Variants in NRXN1 observed in about 807,000 individuals in gnomAD.
The protein encoded by NRXN1 is neurexin-1.
NRXN1 carries 39 observed loss-of-function variants against 150.9 expected under a neutral mutation model. The observed-to-expected ratio is 0.26, with a 90% CI of 0.20 to 0.34. The LOEUF is 0.34. Among genes scored for constraint, NRXN1 ranks in the 10% least tolerant of loss-of-function variants. The pLI, the probability that NRXN1 is intolerant of heterozygous loss-of-function variation, is 1.00. For synonymous variants in NRXN1, 924 were observed against 757.0 expected (o/e 1.22, Z -3.62); for missense variants, 1,815 against 1,949.9 (o/e 0.93, Z 1.30).
At position 50,264,429 on chromosome 2, in the gene NRXN1, C is replaced by T. The variant is rs903889342; in HGVS notation, c.3365-27459G>A. On this transcript the variant is annotated intron_variant, in intron 17 of 22. Transcript: ENST00000401669. The stretch of plus-strand genomic sequence containing the variant: ...AAAGCAATATCCATGTACAGGTAAA[C>T]GACAAAGCAATCATTTTGAAAGAAG... Among the ~76,000 whole-genome samples, 6 of 151,938 alleles carry T rather than the reference C, an allele frequency of 3.9e-5. No individual in the cohort carries two copies. In the South Asian group the frequency reaches 1.0e-3, roughly 26 times the overall value.
intron 17 of NRXN1, among the ~76,000 whole-genome samples, chr2:50,446,962 G>A (rs1289646121): frequency 6.6e-6 from 1 of 152,088 alleles, no homozygotes; most frequent in Admixed American, 6.6e-5. Context: ...ATAATACCAT[G>A]CAATTCAGGT....
At chr2:50,782,331 G>A (rs1704460743) in intron 5 of NRXN1, among the ~76,000 whole-genome samples, 2 of 152,156 alleles carry the variant, frequency 1.3e-5, no homozygotes, top group South Asian at 2.1e-4. Context: ...TTAGCCAGGT[G>A]TGGTGGCTCA....
chr2:50,357,308 T>A (rs2078890007), intron 17 of NRXN1, among the ~76,000 whole-genome samples: 1 of 144,476 alleles, frequency 6.9e-6, no homozygotes, highest in African/African-American at 2.7e-5. Context: ...ATTTATTTTT[T>A]TTTTTATTTA....
At chr2:50,453,865 G>C (rs1356865417) in intron 17 of NRXN1, among the ~76,000 whole-genome samples, 3 of 152,150 alleles carry the variant, frequency 2.0e-5, no homozygotes, top group Admixed American at 6.6e-5. Flanking sequence ...AATACTTCAA[G>C]AGTGTCAAAT....
intron 2 of NRXN1, among the ~76,000 whole-genome samples, chr2:50,957,696 T>C (rs760254666): frequency 1.1e-4 from 17 of 152,340 alleles, no homozygotes; most frequent in Non-Finnish European, 2.1e-4. Flanking sequence ...ATTCCTTCTT[T>C]AATCCAGAAG....
intron 17 of NRXN1, among the ~76,000 whole-genome samples, chr2:50,246,079 T>G (rs558797833): frequency 5.3e-5 from 8 of 152,150 alleles, no homozygotes; most frequent in Non-Finnish European, 1.5e-5. Context: ...ATAATGACAC[T>G]TAACAGAAAT....
intron 8 of NRXN1, among the ~76,000 whole-genome samples, chr2:50,592,781 T>C (rs1674502506): frequency 6.6e-6 from 1 of 152,174 alleles, no homozygotes; most frequent in Non-Finnish European, 1.5e-5. Flanking sequence ...TTAGAACCCT[T>C]GTGTATAGTT....
rs550420653 is a variant in NRXN1, at chr2:50,122,407, A to T, written c.3547-30913T>A. ...CCAAAGTAATGCTTAACCCTTGACT[A>T]CTCTAATTAACTCAAGCTGACTGGC... is the stretch of plus-strand genomic sequence containing the variant. On this transcript the variant is annotated intron_variant, in intron 18 of 22. Transcript: ENST00000401669. 3.3e-5 allele frequency among the ~76,000 whole-genome samples: 5 copies of T among 152,248 alleles called. No homozygotes were observed. In the East Asian group the frequency reaches 5.8e-4, roughly 18 times the overall value.
At chr2:50,571,087 A>C (rs1015217725) in intron 8 of NRXN1, among the ~76,000 whole-genome samples, 7 of 152,142 alleles carry the variant, frequency 4.6e-5, no homozygotes, top group African/African-American at 1.7e-4. Flanking sequence ...TGGAGGAAAA[A>C]ATCAGTTTTT....
intron 21 of NRXN1, among the ~76,000 whole-genome samples, chr2:50,016,911 T>C (rs1399288105): frequency 6.6e-6 from 1 of 152,156 alleles, no homozygotes; most frequent in East Asian, 1.9e-4. Flanking sequence ...ACTTCCAGAC[T>C]TAATAACTGG....
At position 50,596,863 on chromosome 2, in the gene NRXN1, CTTTTTTTTTTT is replaced by C. The variant is rs3053104; in HGVS notation, c.1320+23148_1320+23158del. On this transcript the variant is annotated intron_variant, in intron 8 of 22. Transcript: ENST00000401669. ...GAGGAACGTGGGAAAATTCCTAGGA[CTTTTTTTTTTT>C]TTTTTTTTTTTTGACCCAGTCTCGC... Among the ~76,000 whole-genome samples, 7 of 92,176 alleles carry C rather than the reference CTTTTTTTTTTT, an allele frequency of 7.6e-5. No homozygotes were observed. In the South Asian group the frequency reaches 1.3e-3, roughly 18 times the overall value. 60.5% of individuals were successfully genotyped at this position (92,176 alleles called of 152,430 possible).
chr2:50,968,575 A>G (rs376497645), intron 2 of NRXN1, among the ~76,000 whole-genome samples: 126 of 152,148 alleles, frequency 8.3e-4, no homozygotes, highest in African/African-American at 3.0e-3. Context: ...TTGTTTCTGA[A>G]ACTAAATCAC....
chr2:50,896,023 A>G (rs1332633257), intron 5 of NRXN1, among the ~76,000 whole-genome samples: 1 of 152,162 alleles, frequency 6.6e-6, no homozygotes, highest in Non-Finnish European at 1.5e-5. Context: ...AAGCCTCTTC[A>G]ATCTCTAAGA....
intron 5 of NRXN1, among the ~76,000 whole-genome samples, chr2:50,698,669 A>G (rs1693282771): frequency 6.6e-6 from 1 of 152,182 alleles, no homozygotes; most frequent in Non-Finnish European, 1.5e-5. Context: ...GTAAAAAGGG[A>G]TCTTGAATCC....
chr2:50,503,036 G>A (rs2092030413), intron 13 of NRXN1, among the ~76,000 whole-genome samples: 1 of 152,168 alleles, frequency 6.6e-6, no homozygotes, highest in African/African-American at 2.4e-5. Flanking sequence ...GGCCAGGCAC[G>A]GTGGCTCATG....
intron 5 of NRXN1, among the ~76,000 whole-genome samples, chr2:50,646,627 A>C (rs1684849049): frequency 6.6e-6 from 1 of 151,830 alleles, no homozygotes; most frequent in Non-Finnish European, 1.5e-5. Flanking sequence ...AACTAGGTTC[A>C]ATTATTCAAC....
intron 17 of NRXN1, among the ~76,000 whole-genome samples, chr2:50,449,742 A>C (rs1056587073): frequency 6.6e-6 from 1 of 152,192 alleles, no homozygotes; most frequent in Non-Finnish European, 1.5e-5. Context: ...TGATCTGTAC[A>C]TGTCAGGCAT....
chr2:50,592,981 G>A (rs1167360856), intron 8 of NRXN1, among the ~76,000 whole-genome samples: 3 of 152,162 alleles, frequency 2.0e-5, no homozygotes, highest in Non-Finnish European at 4.4e-5. Context: ...AATCAAGGTG[G>A]TGATCAATAA....
intron 15 of NRXN1, among the ~76,000 whole-genome samples, chr2:50,482,028 A>T: frequency 7.3e-6 from 1 of 137,370 alleles, no homozygotes; most frequent in Admixed American, 6.8e-5. Context: ...TCGGCCTCCC[A>T]AAGTGCTGGG....
Sources: allele counts gnomAD v4.1 joint callset (sites outside exome capture counted in the v4.1 genomes callset), GRCh38; gene constraint gnomAD v4.1.1; transcripts MANE v1.5; gene names NCBI Gene and HGNC (gene_info 2026-07-23, HGNC 2026-07-21).